SEC14L5: variants seen among roughly 807,000 people sequenced by gnomAD.
The protein encoded by SEC14L5 is SEC14 like lipid binding 5.
Under a neutral mutation model 84.6 loss-of-function variants are expected in SEC14L5, and 96 were observed. That is an observed-to-expected ratio of 1.13 (90% CI 0.96 to 1.34). SEC14L5 has a LOEUF of 1.34. Ranked by LOEUF, SEC14L5 falls within the 40% of genes most tolerant of loss-of-function variation. SEC14L5 has a pLI of 0.00. For missense variants in SEC14L5, 1,224 were observed against 942.5 expected, an observed-to-expected ratio of 1.30 and a Z score of -3.91; for synonymous variants, 546 against 383.4, an observed-to-expected ratio of 1.42 and a Z score of -4.95.
At chr16:5,012,487 A>G (rs1596647987) in intron 15 of SEC14L5, among the ~76,000 whole-genome samples, 1 of 151,894 alleles carries the variant, frequency 6.6e-6, no homozygotes, top group Non-Finnish European at 1.5e-5. Flanking sequence ...TCGTGGGGGG[A>G]CCACACAGAT....
intron 2 of SEC14L5, among the ~76,000 whole-genome samples, chr16:4,981,161 C>T (rs1955418919): frequency 1.3e-5 from 2 of 151,300 alleles, no homozygotes; most frequent in Non-Finnish European, 2.9e-5. Context: ...CTGTCGCCCA[C>T]GCTGGAGTGC....
intron 10 of SEC14L5, among the ~76,000 whole-genome samples, chr16:5,002,298 A>ATAT (rs1555530830): frequency 3.0e-5 from 4 of 133,742 alleles, no homozygotes; most frequent in Non-Finnish European, 6.3e-5. Flanking sequence ...CTGTTTGCAG[A>ATAT]TTTTTTTTTT....
At position 5,003,536 on chromosome 16, in the gene SEC14L5, T is replaced by G; in HGVS notation, c.1265T>G (p.Val422Gly). 1.4e-6 allele frequency: 2 copies of G among 1,395,922 alleles called. No homozygotes were observed. The highest frequency in any genetic ancestry group is 1.9e-6 in the Non-Finnish European group (2 of 1,046,760). The allele number at this position is 1,395,922 out of a possible 1,614,324, so 86.5% of individuals were successfully genotyped here. Residue 422 changes from valine (V) to glycine (G), a missense_variant, in exon 11 of 16, where the codon GTG becomes GGG. Val to Gly is a moderately radical substitution (Grantham distance 109). Coordinates refer to ENST00000251170, the MANE Select transcript of SEC14L5 (RefSeq NM_014692.2). ...GAGACCCTGGGTCGGCTGCTCATCGTGCGAGCCCCCCGAGTCTTCCCCGTG... is the reference window on the plus strand; with the variant it reads ...GAGACCCTGGGTCGGCTGCTCATCGGGCGAGCCCCCCGAGTCTTCCCCGTG... The part of the protein sequence containing the change: ...YPETLGRLLI[V>G]RAPRVFPVLW...
chr16:4,987,613 G>C lies in SEC14L5; in HGVS notation c.120G>C (p.Glu40Asp). The C allele has an allele frequency of 6.4e-7, 1 of 1,559,370 alleles. No homozygotes were observed. Residue 40 changes from glutamate (E) to aspartate (D), a missense_variant, in exon 3 of 16, where the codon GAG becomes GAC. By Grantham distance (45) the Glu-to-Asp change is conservative. Transcript: ENST00000251170. ...CPQIPVFLGS[E>D]VLRESRSPDG... ...AGATCCCAGTCTTCCTGGGCAGCGA[G>C]GTCTTGCGCGAGTCCCGCAGCCCGG...
intron 2 of SEC14L5, among the ~76,000 whole-genome samples, chr16:4,983,425 C>G (rs1020642320): frequency 1.4e-5 from 2 of 146,490 alleles, no homozygotes; most frequent in African/African-American, 5.1e-5. Flanking sequence ...TAGATATGAT[C>G]TATATTTATT....
At position 4,990,881 on chromosome 16, in the gene SEC14L5, G is replaced by A. The variant is rs756358346; in HGVS notation, c.460G>A (p.Ala154Thr). 6.2e-6 allele frequency: 10 copies of A among 1,600,758 alleles called. No homozygotes were observed. The highest frequency in any genetic ancestry group is 4.5e-5 in the South Asian group (4 of 89,010). Reference sequence around the variant, plus strand: ...GAAGATCGCCATGAAGCAGTACACCGCCAACGTCAAGAGGGTAAGCGGTGG... The same window carrying A: ...GAAGATCGCCATGAAGCAGTACACCACCAACGTCAAGAGGGTAAGCGGTGG... ...LEKIAMKQYT[A>T]NVKRGKEVIE... is the part of the protein sequence containing the mutation. Residue 154 changes from alanine to threonine, a missense_variant, in exon 5 of 16, where the codon GCC becomes ACC. Coordinates refer to ENST00000251170, the MANE Select transcript of SEC14L5 (RefSeq NM_014692.2).
At chr16:4,999,601 CAG>C (rs1215933629) in intron 8 of SEC14L5, among the ~76,000 whole-genome samples, 2 of 148,506 alleles carry the variant, frequency 1.3e-5, no homozygotes, top group Admixed American at 6.7e-5. Context: ...GCCTGGGTGA[CAG>C]AGTGAAACCC....
chr16:5,003,052 T>C (rs1236742230), intron 10 of SEC14L5, among the ~76,000 whole-genome samples: 1 of 152,244 alleles, frequency 6.6e-6, no homozygotes, highest in Non-Finnish European at 1.5e-5. Context: ...ATTGAGGGCA[T>C]GTGGTGTGCC....
In SEC14L5 at chr16:5,016,042, CA is replaced by C. The variant is rs1955871852; in HGVS notation, c.*1076del. 6.6e-6 allele frequency: 1 copy of C among 152,158 alleles called. No individual in the cohort carries two copies. Among genetic ancestry groups the C allele is most frequent in the Non-Finnish European group, 1.5e-5 (1 of 68,038 alleles). The allele number at this position is 152,158 out of a possible 1,614,324, so 9.4% of individuals were successfully genotyped here. A position where few individuals can be genotyped will look rare whatever the true frequency, so the allele number is the denominator to read the frequency against. On this transcript the variant is annotated 3_prime_UTR_variant, in exon 16 of 16. Coordinates refer to ENST00000251170, the MANE Select transcript of SEC14L5 (RefSeq NM_014692.2). ...AGACCCATGCCCAGGTGCTTCAACACAAAAGCATGATCATTCATGGGTGCAT... is the reference window on the plus strand; with the variant it reads ...AGACCCATGCCCAGGTGCTTCAACACAAAGCATGATCATTCATGGGTGCAT...
chr16:4,996,888 C>A lies in SEC14L5; in HGVS notation c.814C>A (p.Arg272=). Residue 272 remains arginine, a synonymous_variant, in exon 8 of 16, where the codon CGG becomes AGG. Transcript: ENST00000251170. ...AGATGAGCACATCCTTCGGTTCCTG[C>A]GGGCTCATGACTTCCACCTGGACAA... ...PKDEHILRFL[R]AHDFHLDKAR... is the part of the protein sequence containing the mutation. 3 of 1,613,222 alleles carry A rather than the reference C, an allele frequency of 1.9e-6. No individual in the cohort carries two copies. Among genetic ancestry groups the A allele is most frequent in the Non-Finnish European group, 2.5e-6 (3 of 1,179,544 alleles).
At chr16:4,962,686 CAAAAAAAAAAAA>C (rs761644374) in intron 2 of SEC14L5, among the ~76,000 whole-genome samples, 7 of 81,288 alleles carry the variant, frequency 8.6e-5, no homozygotes, top group Non-Finnish European at 1.7e-4. Flanking sequence ...AACTCTGTCT[CAAAAAAAAAAAA>C]AAAAAAAAAA....
intron 8 of SEC14L5, 48 bp downstream of exon 8, chr16:4,997,092 C>T (rs766936592): frequency 1.5e-5 from 20 of 1,352,984 alleles, no homozygotes; most frequent in Admixed American, 1.2e-4. Flanking sequence ...TTGGTCACTG[C>T]CAAATGCACT....
At chr16:5,008,307 G>C (rs560343808) in intron 13 of SEC14L5, 114 bp from the exon 14 acceptor site, 2 of 722,100 alleles carry the variant, frequency 2.8e-6, no homozygotes, top group African/African-American at 3.6e-5. Flanking sequence ...GAATGAGCGT[G>C]TGCCTGGGAA....
At chr16:4,991,733 C>A in intron 5 of SEC14L5, 105 bp from the exon 6 acceptor site, 1 of 662,814 alleles carries the variant, frequency 1.5e-6, no homozygotes, top group Non-Finnish European at 2.5e-6. Flanking sequence ...AGCCACGTGT[C>A]GGGGCTGGGA....
intron 4 of SEC14L5, among the ~76,000 whole-genome samples, chr16:4,990,353 G>A (rs140895495): frequency 6.6e-6 from 1 of 152,232 alleles, no homozygotes; most frequent in East Asian, 1.9e-4. Flanking sequence ...AGTAGAGATG[G>A]AGTTTCACCA....
At chr16:5,003,718 CACTTTTTAAGTATAG>C (rs1354000291) in intron 11 of SEC14L5, 145 bp downstream of exon 11, 1 of 612,638 alleles carries the variant, frequency 1.6e-6, no homozygotes. Context: ...ATAAAGCTCA[CACTTTTTAAGTATAG>C]ACTCCAGTGG....
At chr16:4,969,613 A>T (rs1955250328) in intron 2 of SEC14L5, among the ~76,000 whole-genome samples, 1 of 150,894 alleles carries the variant, frequency 6.6e-6, no homozygotes. Flanking sequence ...TGAACTCCTG[A>T]CCTCAGGTGA....
At chr16:4,989,446 C>T (rs1278408959) in intron 4 of SEC14L5, among the ~76,000 whole-genome samples, 3 of 151,976 alleles carry the variant, frequency 2.0e-5, no homozygotes, top group African/African-American at 7.2e-5. Flanking sequence ...ATTCTCTTGC[C>T]TCAGATTCTC....
chr16:4,980,441 G>C (rs1490415077), intron 2 of SEC14L5, among the ~76,000 whole-genome samples: 1 of 152,178 alleles, frequency 6.6e-6, no homozygotes, highest in Non-Finnish European at 1.5e-5. Context: ...TCTAACAAGA[G>C]GTTTGTTAGG....
Sources: allele counts gnomAD v4.1 joint callset (sites outside exome capture counted in the v4.1 genomes callset), GRCh38; gene constraint gnomAD v4.1.1; transcripts MANE v1.5; gene names NCBI Gene and HGNC (gene_info 2026-07-23, HGNC 2026-07-21).